The following OTOGL variants were observed in gnomAD, a reference collection of about 807,000 sequenced individuals.
OTOGL encodes otogelin-like protein.
OTOGL carries 285 observed loss-of-function variants against 318.5 expected under a neutral mutation model. The observed-to-expected ratio is 0.89, with a 90% CI of 0.81 to 0.99. The LOEUF (loss-of-function observed/expected upper bound fraction) is 0.99, where lower values mean the gene tolerates loss of function less well. Ranked by LOEUF, OTOGL falls within the 50% of genes least tolerant of loss-of-function variation. The pLI, the probability that OTOGL is intolerant of heterozygous loss-of-function variation, is 0.00. For synonymous variants in OTOGL, 987 were observed against 936.5 expected, an observed-to-expected ratio of 1.05 and a Z score of -0.99; for missense variants, 2,899 against 2,845.6, an observed-to-expected ratio of 1.02 and a Z score of -0.43.
chr12:80,196,034 G>T (rs541959243), intron 1 of OTOGL, among the ~76,000 whole-genome samples: 10 of 152,282 alleles, frequency 6.6e-5, no homozygotes, highest in Admixed American at 1.3e-4. Context: ...CATCCTTGAA[G>T]GTTTGATTTC....
chr12:80,145,788 G>A (rs1872311909), intron 1 of OTOGL, among the ~76,000 whole-genome samples: 1 of 151,870 alleles, frequency 6.6e-6, no homozygotes, highest in Admixed American at 6.6e-5. Flanking sequence ...TTTGTAAGTT[G>A]GATTCCTAGG....
chr12:80,171,204 A>G (rs1391425867), intron 1 of OTOGL, among the ~76,000 whole-genome samples: 3 of 151,922 alleles, frequency 2.0e-5, no homozygotes, highest in Non-Finnish European at 1.5e-5. Context: ...TCTCAAGTAG[A>G]TGGGACTTAC....
intron 26 of OTOGL, among the ~76,000 whole-genome samples, chr12:80,285,574 C>G (rs1290948945): frequency 2.0e-5 from 3 of 151,826 alleles, no homozygotes; most frequent in African/African-American, 7.3e-5. Flanking sequence ...GTTTGTAGTT[C>G]TTGAAGAGAT....
chr12:80,176,480 G>A (rs1023884029), intron 1 of OTOGL, among the ~76,000 whole-genome samples: 1 of 151,964 alleles, frequency 6.6e-6, no homozygotes, highest in Non-Finnish European at 1.5e-5. Flanking sequence ...CATTTTCTAG[G>A]ATTTTATAAA....
chr12:80,155,803 A>C (rs1873077074), intron 1 of OTOGL, among the ~76,000 whole-genome samples: 1 of 151,726 alleles, frequency 6.6e-6, no homozygotes, highest in African/African-American at 2.4e-5. Context: ...CCATCCTTCT[A>C]CTCTCTATCT....
intron 38 of OTOGL, among the ~76,000 whole-genome samples, chr12:80,334,577 G>A (rs922044305): frequency 6.6e-6 from 1 of 152,128 alleles, no homozygotes; most frequent in African/African-American, 2.4e-5. Context: ...ACTTTCATAG[G>A]TTGAGAGAAG....
chr12:80,243,819 A>G (rs1343650696), intron 11 of OTOGL, among the ~76,000 whole-genome samples: 4 of 147,686 alleles, frequency 2.7e-5, no homozygotes, highest in African/African-American at 2.5e-5. Context: ...TTCCATATAT[A>G]ATGCAATTCT....
intron 26 of OTOGL, among the ~76,000 whole-genome samples, chr12:80,286,034 A>T (rs140955920): frequency 2.0e-4 from 30 of 151,972 alleles, no homozygotes; most frequent in Non-Finnish European, 3.7e-4. Flanking sequence ...TTATTATTTT[A>T]ACATATGTTC....
intron 44 of OTOGL, among the ~76,000 whole-genome samples, chr12:80,342,729 T>C (rs959045973): frequency 2.6e-5 from 4 of 152,156 alleles, no homozygotes; most frequent in Admixed American, 2.0e-4. Context: ...ATCACTGTGT[T>C]AGATTCCTGT....
chr12:80,181,630 A>ATTTTTTTTTTTTT (rs61577097), intron 1 of OTOGL, among the ~76,000 whole-genome samples: 1 of 147,462 alleles, frequency 6.8e-6, no homozygotes, highest in African/African-American at 2.5e-5. Context: ...GAGGATCAAG[A>ATTTTTTTTTTTTT]TTTTTTTTTT....
chr12:80,099,747 G>A (rs768133866), intron 1 of OTOGL, 142 bp downstream of exon 1: 4 of 152,158 alleles, frequency 2.6e-5, no homozygotes, highest in Non-Finnish European at 5.9e-5. Flanking sequence ...TACAAGGTTG[G>A]CATAGAAAAC....
chr12:80,212,229 C>A (rs369306717), intron 4 of OTOGL, among the ~76,000 whole-genome samples: 2 of 151,506 alleles, frequency 1.3e-5, no homozygotes, highest in East Asian at 3.9e-4. Context: ...TTTTGCTATT[C>A]AGCTCAGTTA....
At chr12:80,144,820 T>G (rs1205024979) in intron 1 of OTOGL, among the ~76,000 whole-genome samples, 1 of 152,302 alleles carries the variant, frequency 6.6e-6, no homozygotes, top group African/African-American at 2.4e-5. Context: ...TGATGAGCAT[T>G]TTTTCATATG....
At chr12:80,129,785 C>CT (rs746572913) in intron 1 of OTOGL, among the ~76,000 whole-genome samples, 5 of 152,028 alleles carry the variant, frequency 3.3e-5, no homozygotes, top group Non-Finnish European at 5.9e-5. Context: ...AATCTAAAAA[C>CT]TTTTTTTTAA....
chr12:80,202,547 A>ACAGGCCTGAGCCACCG (rs1876532971), intron 1 of OTOGL, among the ~76,000 whole-genome samples: 1 of 152,192 alleles, frequency 6.6e-6, no homozygotes, highest in African/African-American at 2.4e-5. Context: ...TGCTGGGATT[A>ACAGGCCTGAGCCACCG]CAGGCCTGAG....
chr12:80,197,513 TA>T (rs1876162152), intron 1 of OTOGL, among the ~76,000 whole-genome samples: 1 of 152,208 alleles, frequency 6.6e-6, no homozygotes, highest in Non-Finnish European at 1.5e-5. Context: ...CTGGCCAGAA[TA>T]AATCTTTTTA....
chr12:80,301,139 A>T (rs188760794), intron 27 of OTOGL, among the ~76,000 whole-genome samples: 12 of 152,350 alleles, frequency 7.9e-5, no homozygotes, highest in Admixed American at 7.2e-4. Flanking sequence ...GGAGAAAAGT[A>T]ACCAAAGAAT....
At chr12:80,295,952 G>C (rs1231455653) in intron 26 of OTOGL, among the ~76,000 whole-genome samples, 1 of 53,732 alleles carries the variant, frequency 1.9e-5, no homozygotes, top group Non-Finnish European at 5.7e-5. Flanking sequence ...CATTAAACTG[G>C]GGGAGAAAGT....
intron 1 of OTOGL, among the ~76,000 whole-genome samples, chr12:80,135,169 C>T (rs1261556891): frequency 6.6e-6 from 1 of 151,764 alleles, no homozygotes; most frequent in Admixed American, 6.6e-5. Flanking sequence ...GCTTTCATCT[C>T]ATATCACTAG....
Sources: gnomAD v4.1 joint callset for allele counts (sites outside exome capture counted in the v4.1 genomes callset) on GRCh38, gnomAD v4.1.1 for gene constraint, MANE v1.5 for transcripts, NCBI Gene and HGNC (gene_info 2026-07-23, HGNC 2026-07-21) for gene names.